The following CHD8 variants were observed in gnomAD, a reference collection of about 807,000 sequenced individuals.
The protein encoded by CHD8 is ATP-dependent chromatin remodeler CHD8.
Under a neutral mutation model 279.2 loss-of-function variants are expected in CHD8, and 31 were observed. The observed-to-expected ratio is 0.11, with a 90% CI of 0.08 to 0.15. The LOEUF (loss-of-function observed/expected upper bound fraction) is 0.15. CHD8 is among the 10% of genes least tolerant of loss of function. CHD8 has a pLI of 1.00. For synonymous variants in CHD8, 1,081 were observed against 1,139.6 expected (o/e 0.95, Z 1.04); for missense variants, 2,146 against 3,230.5 (o/e 0.66, Z 8.14).
intron 4 of CHD8, chr14:21,426,791 A>G (rs1889339162): frequency 6.6e-6 from 1 of 152,264 alleles, no homozygotes; most frequent in Non-Finnish European, 1.5e-5. Context: ...AAGAGAGGAC[A>G]CTCAATTATG....
intron 4 of CHD8, chr14:21,427,510 A>G (rs1389318599): frequency 2.7e-6 from 3 of 1,093,316 alleles, no homozygotes; most frequent in African/African-American, 3.6e-5. Context: ...GGAGCACTCG[A>G]GCTTACTCTT....
At chr14:21,454,177 G>GAAAAGAA (rs1555321159) in intron 1 of CHD8, among the ~76,000 whole-genome samples, 1 of 125,942 alleles carries the variant, frequency 7.9e-6, no homozygotes, top group Non-Finnish European at 1.6e-5. Context: ...GAAAAGAAAA[G>GAAAAGAA]AAAAGAAAAG....
intron 1 of CHD8, among the ~76,000 whole-genome samples, chr14:21,438,346 C>T (rs1371153359): frequency 6.6e-6 from 1 of 151,424 alleles, no homozygotes; most frequent in Non-Finnish European, 1.5e-5. Context: ...CAGGCGTGAG[C>T]CATCACGCCC....
At position 21,394,032 on chromosome 14, in the gene CHD8, G is replaced by A. The variant is rs771452896; in HGVS notation, c.5763C>T (p.Pro1921=). 1.9e-6 allele frequency: 3 copies of A among 1,613,884 alleles called. No homozygotes were observed. Among genetic ancestry groups the A allele is most frequent in the Non-Finnish European group, 2.5e-6 (3 of 1,179,848 alleles). The change falls in exon 32 of 38, where the codon CCC becomes CCT. Residue 1921 remains proline (P), a synonymous_variant. Transcript: ENST00000646647. ...CATGCCGAACAGGCTCCCACCATTT[G>A]GGCAATTCAGGACCAGGAGGCTGAC... The part of the protein sequence containing the change: ...ALCQPPGPEL[P]KWWEPVRHDG...
At position 21,394,956 on chromosome 14, in the gene CHD8, T is replaced by G; in HGVS notation, c.5346A>C (p.Ala1782=). 6.2e-7 allele frequency: 1 copy of G among 1,614,048 alleles called. No homozygotes were observed. Among genetic ancestry groups the G allele is most frequent in the Admixed American group, 1.7e-5 (1 of 60,022 alleles). ...GTGCAATTTCTTTCAGCTTGAAGGC[T>G]GCTTCACAACGCCGCCTTCGCCGGT... ...RGDRRRRRCE[A]AFKLKEIARR... is the part of the protein sequence containing the mutation. Residue 1782 remains alanine, a synonymous_variant, in exon 30 of 38, where the codon GCA becomes GCC. Transcript: ENST00000646647.
rs369756066 is a variant in CHD8 at position 21,429,363 on chromosome 14, G to A, written c.844-28C>T. The A allele has an allele frequency of 2.5e-6, 4 of 1,601,816 alleles. No homozygotes were observed. In the African/African-American group the frequency reaches 5.4e-5, roughly 21 times the overall value. On this transcript the variant is annotated intron_variant, in intron 2 of 37. Transcript: ENST00000646647. ...AAAGTGAAGAAAGGAAATTGCAAGAGTACAACATTAAAGAATGGTATACTC... is the reference window on the plus strand; with the variant it reads ...AAAGTGAAGAAAGGAAATTGCAAGAATACAACATTAAAGAATGGTATACTC...
At chr14:21,401,884 CATAA>C (rs2139466119) in intron 20 of CHD8, 69 bp downstream of exon 20, 1 of 1,389,722 alleles carries the variant, frequency 7.2e-7, no homozygotes, top group South Asian at 1.3e-5. Flanking sequence ...CCATCCCCAG[CATAA>C]AAACATAATT....
At chr14:21,434,871 C>T (rs2139549383) in intron 1 of CHD8, among the ~76,000 whole-genome samples, 2 of 152,192 alleles carry the variant, frequency 1.3e-5, no homozygotes. Flanking sequence ...TGTGGGTCAC[C>T]CTGGCTATAT....
In CHD8 at chr14:21,408,762, G is replaced by C; in HGVS notation, c.2428C>G (p.Gln810Glu). ...ELSHEYKNRN[Q>E]LREYQLEGVN... is the part of the protein sequence containing the mutation. ...CCTTCCAACTGATATTCCCGTAGCT[G>C]GTTTCTGTTTTTATATTCATGTGAT... Residue 810 changes from glutamine (Q) to glutamate (E), a missense_variant, in exon 12 of 38, where the codon CAG becomes GAG. Transcript: ENST00000646647. This position sits in a 1 kb window ranked among gnomAD's most constrained non-coding sequence, Gnocchi z 4.3. 2 of 1,610,162 alleles carry C rather than the reference G, an allele frequency of 1.2e-6. No individual in the cohort carries two copies. The highest frequency in any genetic ancestry group is 1.7e-6 in the Non-Finnish European group (2 of 1,177,900).
chr14:21,399,505 G>T, intron 26 of CHD8, 97 bp downstream of exon 26: 2 of 822,816 alleles, frequency 2.4e-6, no homozygotes, highest in Non-Finnish European at 4.2e-6. Context: ...AGATCAATCA[G>T]ATAACTGAGT....
chr14:21,415,514 T>A lies in CHD8; in HGVS notation c.1968+60A>T, dbSNP rs1452426944. 1.6e-5 allele frequency: 14 copies of A among 893,212 alleles called. No homozygotes were observed. In the African/African-American group the frequency reaches 2.1e-4, roughly 13 times the overall value. 55.3% of individuals were successfully genotyped at this position (893,212 alleles called of 1,614,324 possible). On this transcript the variant is annotated intron_variant, in intron 7 of 37. Coordinates refer to ENST00000646647, the MANE Select transcript of CHD8 (RefSeq NM_001170629.2). ...AGTTAGACTCTATTTCAAAAATAAA[T>A]AAATAAATAAATAAATAAATAAATA... is the stretch of plus-strand genomic sequence containing the variant.
intron 1 of CHD8, chr14:21,437,054 GAA>G: frequency 3.6e-6 from 2 of 560,396 alleles, no homozygotes; most frequent in Non-Finnish European, 2.9e-6. Flanking sequence ...GCCAAGACGG[GAA>G]GATGCGGGGG....
chr14:21,454,446 T>G (rs1468561641), intron 1 of CHD8, among the ~76,000 whole-genome samples: 2 of 152,196 alleles, frequency 1.3e-5, no homozygotes, highest in Non-Finnish European at 2.9e-5. Context: ...GCCTCCCATG[T>G]AGCTGGGACT....
At chr14:21,424,134 T>C (rs555345130) in intron 5 of CHD8, among the ~76,000 whole-genome samples, 2 of 152,358 alleles carry the variant, frequency 1.3e-5, no homozygotes, top group Non-Finnish European at 2.9e-5. Flanking sequence ...TATTCATGTC[T>C]TATAGACAGT....
At chr14:21,438,426 G>A (rs1404461025) in intron 1 of CHD8, among the ~76,000 whole-genome samples, 1 of 146,668 alleles carries the variant, frequency 6.8e-6, no homozygotes, top group Non-Finnish European at 1.5e-5. Context: ...TGCAATCCCA[G>A]CACTTAGAGA....
At chr14:21,441,092 G>GT in intron 1 of CHD8, among the ~76,000 whole-genome samples, 1 of 152,310 alleles carries the variant, frequency 6.6e-6, no homozygotes, top group East Asian at 1.9e-4. Context: ...GCTAGTTTAA[G>GT]TGGATACTCC....
At chr14:21,446,472 C>T (rs554346601) in intron 1 of CHD8, among the ~76,000 whole-genome samples, 119 of 152,198 alleles carry the variant, frequency 7.8e-4, no homozygotes, top group African/African-American at 1.5e-3. Context: ...CCACCACACT[C>T]GGCTAGTTTT....
intron 5 of CHD8, among the ~76,000 whole-genome samples, chr14:21,423,514 C>G (rs975141093): frequency 2.6e-5 from 4 of 152,056 alleles, no homozygotes; most frequent in Non-Finnish European, 4.4e-5. Flanking sequence ...AGCTTCCTAT[C>G]CATGAACTTT....
rs1272412242 is a variant in CHD8, at chr14:21,394,126, A to G, written c.5669T>C (p.Ile1890Thr). ...EERASRTLYRIELLRRLREQV... is the reference protein window; with the variant it reads ...EERASRTLYRTELLRRLREQV... ...TTCCCGTAAGCGCCGAAGCAATTCT[A>G]TACGGTAGAGAGTCCGTGAGGCTCT... The change falls in exon 32 of 38, where the codon ATA (isoleucine) becomes ACA (threonine). Residue 1890 changes from isoleucine to threonine, a missense_variant. Transcript: ENST00000646647. 1.9e-6 allele frequency: 3 copies of G among 1,613,200 alleles called. No individual in the cohort carries two copies. Among genetic ancestry groups the G allele is most frequent in the East Asian group, 2.2e-5 (1 of 44,874 alleles).
Sources: gnomAD v4.1 joint callset for allele counts (sites outside exome capture counted in the v4.1 genomes callset) on GRCh38, gnomAD v4.1.1 for gene constraint, Gnocchi (gnomAD v3.1) non-coding constraint, MANE v1.5 for transcripts, NCBI Gene and HGNC (gene_info 2026-07-23, HGNC 2026-07-21) for gene names.